SLC5A4: variants seen among roughly 807,000 people sequenced by gnomAD.
SLC5A4 encodes the protein solute carrier family 5 member 4.
Under a neutral mutation model 70.3 loss-of-function variants are expected in SLC5A4, and 55 were observed. The ratio of observed to expected loss-of-function variants is 0.78; its 90% CI spans 0.63 to 0.98. The LOEUF is 0.98. Among genes scored for constraint, SLC5A4 ranks in the 50% least tolerant of loss-of-function variants. SLC5A4 has a pLI of 0.00. For missense variants in SLC5A4, 735 were observed against 839.2 expected (o/e 0.88, Z 1.53); for synonymous variants, 268 against 305.7 (o/e 0.88, Z 1.29).
the SLC5A4 span, chr22:32,285,168 A>ACGATATATGTGTGTATATG: frequency 1.3e-5 from 2 of 152,212 alleles, no homozygotes; most frequent in Admixed American, 1.3e-4. Flanking sequence ...ATGCGTATAT[A>ACGATATATGTGTGTATATG]CGATATATGT....
rs373261572 is a variant in SLC5A4, at chr22:32,241,775, ATGTGTG to A, written c.478-2691_478-2686del. 6.2e-3 allele frequency among the ~76,000 whole-genome samples: 860 copies of A among 139,178 alleles called. 2 individuals are homozygous for A. Among genetic ancestry groups the A allele is most frequent in the African/African-American group, 7.9e-3 (275 of 34,638 alleles). 91.3% of individuals were successfully genotyped at this position (139,178 alleles called of 152,430 possible). Reference sequence around the variant, plus strand: ...GAGCAAACAAATTTTACATATATATATGTGTGTGTGTGTGTGTGTGTGTGTGTGTAT... The same window carrying A: ...GAGCAAACAAATTTTACATATATATATGTGTGTGTGTGTGTGTGTGTGTAT... On this transcript the variant is annotated intron_variant, in intron 5 of 14. Coordinates refer to ENST00000266086, the MANE Select transcript of SLC5A4 (RefSeq NM_014227.3).
the SLC5A4 span, among the ~76,000 whole-genome samples, chr22:32,280,371 C>T: frequency 2.0e-5 from 3 of 152,176 alleles, no homozygotes; most frequent in African/African-American, 4.8e-5. Context: ...TCAAGGGTGC[C>T]TGCCCACCTC....
At chr22:32,271,255 A>G in the SLC5A4 span, 1 of 791,238 alleles carries the variant, frequency 1.3e-6, no homozygotes. Flanking sequence ...GCGGGTCCTC[A>G]TGGACAGCTC....
chr22:32,227,643 G>T (rs1341694540), intron 11 of SLC5A4, among the ~76,000 whole-genome samples: 2 of 152,138 alleles, frequency 1.3e-5, no homozygotes, highest in Non-Finnish European at 2.9e-5. Context: ...ATGAGCAAAA[G>T]AAGCCATATT....
chr22:32,250,084 C>G (rs1033174201), intron 3 of SLC5A4, among the ~76,000 whole-genome samples: 8 of 152,090 alleles, frequency 5.3e-5, no homozygotes, highest in African/African-American at 1.9e-4. Context: ...AGCTAAAATG[C>G]TCAAGTGAAC....
the SLC5A4 span, among the ~76,000 whole-genome samples, chr22:32,323,984 G>T: frequency 6.6e-6 from 1 of 152,210 alleles, no homozygotes; most frequent in Non-Finnish European, 1.5e-5. Context: ...CCCCTGTGTG[G>T]CAGTCTTTGC....
At chr22:32,256,928 A>C (rs918625319), upstream of SLC5A4, among the ~76,000 whole-genome samples, 7 of 152,186 alleles carry the variant, frequency 4.6e-5, no homozygotes, top group African/African-American at 1.7e-4. Flanking sequence ...TTTTGAGTCT[A>C]TATGTAGAAG....
upstream of SLC5A4, chr22:32,255,459 C>T: frequency 1.0e-6 from 1 of 982,242 alleles, no homozygotes; most frequent in Non-Finnish European, 1.5e-6. Context: ...CTTTAAACCT[C>T]TTCTCCAAAG....
At chr22:32,321,077 G>A in the SLC5A4 span, among the ~76,000 whole-genome samples, 1 of 152,184 alleles carries the variant, frequency 6.6e-6, no homozygotes, top group African/African-American at 2.4e-5. Flanking sequence ...CACCAGGTCA[G>A]GAGTTCAAAA....
chr22:32,320,896 T>C, the SLC5A4 span, among the ~76,000 whole-genome samples: 1 of 136,538 alleles, frequency 7.3e-6, no homozygotes, highest in Non-Finnish European at 1.6e-5. Context: ...TCCGGCAACC[T>C]CTCTCTGTGT....
the SLC5A4 span, among the ~76,000 whole-genome samples, chr22:32,260,673 A>C: frequency 6.8e-6 from 1 of 146,644 alleles, no homozygotes; most frequent in African/African-American, 2.6e-5. Flanking sequence ...GTGCACTCTG[A>C]GCAATGAGGT....
the SLC5A4 span, among the ~76,000 whole-genome samples, chr22:32,352,387 T>C: frequency 8.6e-5 from 13 of 150,550 alleles, no homozygotes; most frequent in African/African-American, 2.2e-4. Context: ...ATGCACGTTG[T>C]GCTCATGTAC....
intron 13 of SLC5A4, among the ~76,000 whole-genome samples, chr22:32,223,174 T>C (rs1925187396): frequency 6.6e-6 from 1 of 152,236 alleles, no homozygotes; most frequent in Non-Finnish European, 1.5e-5. Context: ...GCCCTGTGTT[T>C]GTGTGCTCAT....
the SLC5A4 span, among the ~76,000 whole-genome samples, chr22:32,318,286 T>A: frequency 2.0e-5 from 3 of 152,000 alleles, no homozygotes; most frequent in Non-Finnish European, 4.4e-5. Context: ...AGGCTGGAGA[T>A]ACGCTGATGA....
the SLC5A4 span, among the ~76,000 whole-genome samples, chr22:32,349,791 A>G: frequency 1.3e-5 from 2 of 152,128 alleles, no homozygotes; most frequent in African/African-American, 2.4e-5. Flanking sequence ...TTTCTTTCCC[A>G]TATTATGGCT....
the SLC5A4 span, among the ~76,000 whole-genome samples, chr22:32,334,600 G>A: frequency 1.1e-4 from 16 of 152,248 alleles, no homozygotes; most frequent in East Asian, 7.7e-4. Flanking sequence ...CCCGTGCTTC[G>A]CTGGCTCCAT....
At chr22:32,335,854 C>G in the SLC5A4 span, among the ~76,000 whole-genome samples, 1 of 152,184 alleles carries the variant, frequency 6.6e-6, no homozygotes, top group Non-Finnish European at 1.5e-5. Context: ...GAAGTCCGAT[C>G]TGGACGGTGC....
chr22:32,262,729 C>CA, the SLC5A4 span, among the ~76,000 whole-genome samples: 2,541 of 152,208 alleles, frequency 0.017, 64 homozygotes, highest in African/African-American at 0.058. Flanking sequence ...CAAATTCCTA[C>CA]AGTCAGAAAT....
At position 32,224,333 on chromosome 22, in the gene SLC5A4, G is replaced by C. The variant is rs755300478; in HGVS notation, c.1599C>G (p.Leu533=). The C allele has an allele frequency of 1.2e-6, 2 of 1,614,120 alleles. No homozygotes were observed. Among genetic ancestry groups the C allele is most frequent in the Non-Finnish European group, 1.7e-6 (2 of 1,180,006 alleles). ...GVHYLYFSIV[L]FFGSMLVTLG... ...GGGTGACCAGCATGGACCCAAAAAA[G>C]AGAACGATGGAAAAGTACAGATAGT... Residue 533 remains leucine (L), a synonymous_variant, in exon 13 of 15, where the codon CTC becomes CTG. Coordinates refer to ENST00000266086, the MANE Select transcript of SLC5A4 (RefSeq NM_014227.3).
Sources: allele counts gnomAD v4.1 joint callset (sites outside exome capture counted in the v4.1 genomes callset), GRCh38; gene constraint gnomAD v4.1.1; transcripts MANE v1.5; gene names NCBI Gene and HGNC (gene_info 2026-07-23, HGNC 2026-07-21).